The following ZNF18 variants were observed in gnomAD, a reference collection of about 807,000 sequenced individuals.
The protein encoded by ZNF18 is heart development-specific gene 1 protein.
A neutral mutation model predicts 58.1 loss-of-function variants in ZNF18; 42 were observed. The observed-to-expected ratio is 0.72, with a 90% CI of 0.56 to 0.93. The LOEUF (loss-of-function observed/expected upper bound fraction) is 0.93. ZNF18 is among the 40% of genes least tolerant of loss of function. ZNF18 has a pLI of 0.00. For synonymous variants in ZNF18, 231 were observed against 239.8 expected, an observed-to-expected ratio of 0.96 and a Z score of 0.34; for missense variants, 540 against 644.2, an observed-to-expected ratio of 0.84 and a Z score of 1.75.
chr17:12,003,827 T>C, the ZNF18 span, among the ~76,000 whole-genome samples: 1 of 152,206 alleles, frequency 6.6e-6, no homozygotes, highest in Non-Finnish European at 1.5e-5. Flanking sequence ...TGGTATTGAA[T>C]ACAACGGACT....
upstream of ZNF18, among the ~76,000 whole-genome samples, chr17:12,001,629 A>AAAAC (rs559517921): frequency 0.022 from 3,351 of 151,928 alleles, 114 homozygotes; most frequent in African/African-American, 0.071. Context: ...ACTCCGTCTC[A>AAAAC]AAACAAACAA....
the ZNF18 span, among the ~76,000 whole-genome samples, chr17:12,009,909 G>C: frequency 6.6e-6 from 1 of 152,174 alleles, no homozygotes; most frequent in South Asian, 2.1e-4. Flanking sequence ...AGATTTGTGA[G>C]ATGGTAGAAA....
intron 4 of ZNF18, among the ~76,000 whole-genome samples, chr17:11,986,286 C>A (rs899213442): frequency 2.0e-5 from 3 of 152,222 alleles, no homozygotes; most frequent in Admixed American, 6.5e-5. Context: ...TGTAAACTGC[C>A]CATTCTCAGG....
upstream of ZNF18, among the ~76,000 whole-genome samples, chr17:12,001,916 T>C (rs1968665599): frequency 6.6e-6 from 1 of 151,544 alleles, no homozygotes; most frequent in African/African-American, 2.4e-5. Flanking sequence ...AATTCAGAGA[T>C]AATAGAGCAA....
intron 4 of ZNF18, 33 bp downstream of exon 4, chr17:11,990,429 T>C: frequency 1.3e-6 from 2 of 1,584,548 alleles, no homozygotes; most frequent in Non-Finnish European, 1.7e-6. Context: ...AGGTAAAAAG[T>C]TTCCTTTTCA....
chr17:11,991,583 A>G (rs1245210918), intron 2 of ZNF18, among the ~76,000 whole-genome samples: 2 of 152,222 alleles, frequency 1.3e-5, no homozygotes, highest in African/African-American at 2.4e-5. Flanking sequence ...GTGGTATAAT[A>G]AGAAATACAC....
chr17:11,992,460 G>A lies in ZNF18; in HGVS notation c.370C>T (p.Gln124Ter), dbSNP rs1236827415. ...TLVESLKGDP[Q>*]RLWQWISIQV... ...CTGCTTACCCATTGCCACAGTCTCT[G>A]GGGGTCCCCCTTCAAGCTTTCCACA... is the stretch of plus-strand genomic sequence containing the variant. Residue 124 changes from glutamine to a stop codon, truncating the protein, a stop_gained, in exon 2 of 7, where the codon CAG becomes TAG. Coordinates refer to ENST00000580306, the MANE Select transcript of ZNF18 (RefSeq NM_001303281.2). LOFTEE classifies it high-confidence loss of function. 2 of 1,613,964 alleles carry A rather than the reference G, an allele frequency of 1.2e-6. No individual in the cohort carries two copies. The highest frequency in any genetic ancestry group is 3.3e-5 in the Admixed American group (2 of 60,012).
At chr17:11,991,367 G>A (rs550587471) in intron 2 of ZNF18, among the ~76,000 whole-genome samples, 169 of 152,198 alleles carry the variant, frequency 1.1e-3, no homozygotes, top group Non-Finnish European at 1.6e-3. Flanking sequence ...CGAATCAGGC[G>A]TGGGAGACCT....
At chr17:12,016,491 G>A in the ZNF18 span, among the ~76,000 whole-genome samples, 11 of 152,026 alleles carry the variant, frequency 7.2e-5, 1 homozygote, top group Non-Finnish European at 8.8e-5. Flanking sequence ...CACCATGCTC[G>A]GCTAATTTTT....
intron 6 of ZNF18, 105 bp from the exon 7 acceptor site, chr17:11,978,849 T>A: frequency 1.4e-6 from 1 of 738,124 alleles, no homozygotes; most frequent in East Asian, 3.0e-5. Flanking sequence ...TCTTTTTTTT[T>A]TTTTTTTTTT....
At chr17:12,006,969 C>T in the ZNF18 span, among the ~76,000 whole-genome samples, 455 of 152,164 alleles carry the variant, frequency 3.0e-3, 3 homozygotes, top group Middle Eastern at 0.014. Context: ...TGACTGTGGC[C>T]TCATAGAGAT....
the ZNF18 span, among the ~76,000 whole-genome samples, chr17:12,015,875 G>A: frequency 6.6e-6 from 1 of 151,752 alleles, no homozygotes. Context: ...TGCAACCCCT[G>A]GCTCCCGGGT....
chr17:11,989,695 A>G (rs1047188933), intron 4 of ZNF18, among the ~76,000 whole-genome samples: 11 of 152,202 alleles, frequency 7.2e-5, no homozygotes, highest in African/African-American at 2.2e-4. Flanking sequence ...CAAGACTTCA[A>G]AAACAGAATG....
At position 11,992,764 on chromosome 17, in the gene ZNF18, C is replaced by A. The variant is rs759018357; in HGVS notation, c.66G>T (p.Gln22His). 3 of 1,614,230 alleles carry A rather than the reference C, an allele frequency of 1.9e-6. No individual in the cohort carries two copies. In the South Asian group the frequency reaches 3.3e-5, roughly 18 times the overall value. ...LPSLAKAEDSQFSESDAALQE... is the reference protein window; with the variant it reads ...LPSLAKAEDSHFSESDAALQE... ...GAAGGGCAGCATCTGATTCTGAGAA[C>A]TGGGAGTCCTCGGCCTTCGCCAGCG... Residue 22 changes from glutamine (Q) to histidine (H), a missense_variant, in exon 2 of 7, where the codon CAG becomes CAT. Physicochemically the swap from Gln to His is conservative, Grantham distance 24. Transcript: ENST00000580306.
Position 11,990,496 on chromosome 17 carries a change from T to G in ZNF18, c.632A>C (p.Asp211Ala), listed in dbSNP as rs1281081332. The change falls in exon 4 of 7, where the codon GAC becomes GCC. Residue 211 changes from aspartate to alanine, a missense_variant. Coordinates refer to ENST00000580306, the MANE Select transcript of ZNF18 (RefSeq NM_001303281.2). ...RLEERLIRDQ[D>A]LGASLLPAAP... ...TGCTGGGAGCAGTGAGGCTCCGAGG[T>G]CCTGGTCTCTGATCAGCCTTTCCTC... is the stretch of plus-strand genomic sequence containing the variant. 5 of 1,613,124 alleles carry G rather than the reference T, an allele frequency of 3.1e-6. No homozygotes were observed. Among genetic ancestry groups the G allele is most frequent in the Non-Finnish European group, 4.2e-6 (5 of 1,179,842 alleles).
At chr17:11,982,719 T>C (rs1967452971) in intron 6 of ZNF18, among the ~76,000 whole-genome samples, 2 of 150,652 alleles carry the variant, frequency 1.3e-5, no homozygotes, top group South Asian at 4.2e-4. Flanking sequence ...AATTAGTTTT[T>C]ACGTAACTTC....
chr17:11,977,703 G>A lies in ZNF18; in HGVS notation c.*254C>T, dbSNP rs1025163861. 3.5e-5 allele frequency: 15 copies of A among 423,572 alleles called. No individual in the cohort carries two copies. Among genetic ancestry groups the A allele is most frequent in the Non-Finnish European group, 4.9e-5 (12 of 243,456 alleles). The allele number at this position is 423,572 out of a possible 1,614,324, so 26.2% of individuals were successfully genotyped here. A position where few individuals can be genotyped will look rare whatever the true frequency, so the allele number is the denominator to read the frequency against. ...CCAATTTAGACTTTTTCCCCGATGGGTCCAAAGGAAGGATGAGTGGAAACA... is the reference window on the plus strand; with the variant it reads ...CCAATTTAGACTTTTTCCCCGATGGATCCAAAGGAAGGATGAGTGGAAACA... On this transcript the variant is annotated 3_prime_UTR_variant, in exon 7 of 7. Coordinates refer to ENST00000580306, the MANE Select transcript of ZNF18 (RefSeq NM_001303281.2).
Position 11,977,850 on chromosome 17 carries a change from G to C in ZNF18, c.*107C>G. The C allele has an allele frequency of 7.5e-7, 1 of 1,327,008 alleles. No individual in the cohort carries two copies. Among genetic ancestry groups the C allele is most frequent in the Non-Finnish European group, 1.0e-6 (1 of 968,870 alleles). 82.2% of individuals were successfully genotyped at this position (1,327,008 alleles called of 1,614,324 possible). On this transcript the variant is annotated 3_prime_UTR_variant, in exon 7 of 7. Transcript: ENST00000580306. ...CTCTCCTCTCCAATCCAAGAAAAAA[G>C]GAGATTAACAGGGGTATCCTCTTAG...
chr17:11,983,476 C>A, intron 5 of ZNF18, 69 bp from the exon 6 acceptor site: 1 of 1,213,882 alleles, frequency 8.2e-7, no homozygotes, highest in South Asian at 1.2e-5. Context: ...CTGTGTCTTT[C>A]AAAGGAGCAC....
Sources: gnomAD v4.1 joint callset for allele counts (sites outside exome capture counted in the v4.1 genomes callset) on GRCh38, gnomAD v4.1.1 for gene constraint, MANE v1.5 for transcripts, NCBI Gene and HGNC (gene_info 2026-07-23, HGNC 2026-07-21) for gene names.